Variants in CCDC12 observed in about 807,000 individuals in gnomAD.
CCDC12 encodes the protein coiled-coil domain containing 12.
A neutral mutation model predicts 25.7 loss-of-function variants in CCDC12; 28 were observed. The observed-to-expected ratio is 1.09, with a 90% CI of 0.81 to 1.50. The LOEUF (loss-of-function observed/expected upper bound fraction) is 1.50, where lower values mean the gene tolerates loss of function less well. Among genes scored for constraint, CCDC12 ranks in the 40% most tolerant of loss-of-function variants. The pLI, the probability that CCDC12 is intolerant of heterozygous loss-of-function variation, is 0.00. For synonymous variants in CCDC12, 75 were observed against 87.7 expected (o/e 0.86, Z 0.81); for missense variants, 198 against 210.0 (o/e 0.94, Z 0.35).
At chr3:46,967,792 T>C (rs6809904) in intron 1 of CCDC12, among the ~76,000 whole-genome samples, 143,620 of 152,272 alleles carry the variant, frequency 0.94, 68,344 homozygotes, top group East Asian at 1. Context: ...GCAGTGAGCA[T>C]GGGCAGCTAA....
intron 1 of CCDC12, among the ~76,000 whole-genome samples, chr3:46,947,742 A>G (rs929394161): frequency 3.3e-5 from 5 of 152,184 alleles, no homozygotes; most frequent in Non-Finnish European, 7.4e-5. Flanking sequence ...GTTTGCACCC[A>G]CAGGCCTGAC....
chr3:46,932,282 C>A (rs1174913608), intron 2 of CCDC12, among the ~76,000 whole-genome samples: 1 of 152,242 alleles, frequency 6.6e-6, no homozygotes, highest in Non-Finnish European at 1.5e-5. Flanking sequence ...TCTGGGATCT[C>A]TTCTGGCAGA....
chr3:46,969,563 CA>C (rs901372052), intron 1 of CCDC12, among the ~76,000 whole-genome samples: 7 of 152,170 alleles, frequency 4.6e-5, no homozygotes, highest in Non-Finnish European at 8.8e-5. Context: ...GTGTAAATCA[CA>C]ACTATACCAC....
intron 1 of CCDC12, among the ~76,000 whole-genome samples, chr3:46,962,826 T>C (rs1392434438): frequency 6.6e-6 from 1 of 152,194 alleles, no homozygotes; most frequent in Non-Finnish European, 1.5e-5. Context: ...ATCTGTCCTA[T>C]ATACACCCTA....
chr3:46,979,840 AG>A (rs982335767), upstream of CCDC12: 3 of 430,050 alleles, frequency 7.0e-6, no homozygotes, highest in African/African-American at 4.2e-5. Context: ...GGCGCGCAGC[AG>A]GGCCGGAGCC....
rs114731045 is a variant in CCDC12 at position 46,925,463 on chromosome 3, C to T, written c.237G>A (p.Pro79=). 9.6e-4 allele frequency: 1,542 copies of T among 1,613,394 alleles called. 9 individuals carry two copies. In the African/African-American group the frequency reaches 0.014, roughly 14 times the overall value. ...LKKRRVPQAK[P]VAVEEKVKEQ... is the part of the protein sequence containing the mutation. ...GAGGGACAGCTTGCTTACCTGCAAC[C>T]GGTTTGGCCTGGGGCACCCTCCTCT... Residue 79 remains proline, a synonymous_variant, in exon 3 of 7, where the codon CCG becomes CCA. Transcript: ENST00000683445.
chr3:46,934,166 T>C (rs1215534469), intron 2 of CCDC12, among the ~76,000 whole-genome samples: 1 of 152,064 alleles, frequency 6.6e-6, no homozygotes, highest in Non-Finnish European at 1.5e-5. Flanking sequence ...GCCCATAAGG[T>C]GAGAACTGGA....
At chr3:46,966,375 C>A (rs577569191) in intron 1 of CCDC12, among the ~76,000 whole-genome samples, 1 of 152,046 alleles carries the variant, frequency 6.6e-6, no homozygotes, top group South Asian at 2.1e-4. Context: ...TAGCCGGGCG[C>A]GGTGACACAC....
chr3:46,967,906 A>C (rs1372862313), intron 1 of CCDC12, among the ~76,000 whole-genome samples: 1 of 152,180 alleles, frequency 6.6e-6, no homozygotes, highest in Admixed American at 6.5e-5. Context: ...GAACTTTAAG[A>C]ATGCATGAAT....
At chr3:46,933,779 G>T (rs2033327642) in intron 2 of CCDC12, among the ~76,000 whole-genome samples, 2 of 152,174 alleles carry the variant, frequency 1.3e-5, no homozygotes, top group Non-Finnish European at 2.9e-5. Flanking sequence ...ATAATTTCAT[G>T]AAAGTGTATT....
intron 1 of CCDC12, among the ~76,000 whole-genome samples, chr3:46,951,798 A>AAATATATATATAT: frequency 2.4e-4 from 2 of 8,468 alleles, no homozygotes; most frequent in Non-Finnish European, 2.8e-4. Flanking sequence ...AAAAAAAAAA[A>AAATATATATATAT]ATATATATAT....
intron 1 of CCDC12, among the ~76,000 whole-genome samples, chr3:46,952,590 G>A (rs1400453428): frequency 6.6e-6 from 1 of 152,116 alleles, no homozygotes; most frequent in East Asian, 1.9e-4. Flanking sequence ...TTTTAACTAG[G>A]TTCCATAAAA....
chr3:46,957,527 G>A (rs1395468782), intron 1 of CCDC12, among the ~76,000 whole-genome samples: 2 of 152,052 alleles, frequency 1.3e-5, no homozygotes, highest in Non-Finnish European at 2.9e-5. Context: ...TTGCAAATAA[G>A]TGCCTTGGCT....
intron 2 of CCDC12, among the ~76,000 whole-genome samples, chr3:46,933,380 T>C (rs567099988): frequency 1.3e-5 from 2 of 152,258 alleles, no homozygotes; most frequent in East Asian, 3.9e-4. Flanking sequence ...GAGATCTGTA[T>C]GGGAGCCCCC....
At chr3:46,924,786 A>C (rs890449872) in intron 3 of CCDC12, 1 of 153,550 alleles carries the variant, frequency 6.5e-6, no homozygotes, top group Non-Finnish European at 1.5e-5. Context: ...ACTGCACTCC[A>C]GCCTAGGCGA....
At chr3:46,949,350 C>T (rs1295364854) in intron 1 of CCDC12, among the ~76,000 whole-genome samples, 1 of 152,178 alleles carries the variant, frequency 6.6e-6, no homozygotes, top group African/African-American at 2.4e-5. Context: ...TGCCCTGAGA[C>T]TTCACCCACA....
chr3:46,976,616 C>T, intron 1 of CCDC12, 21 bp downstream of exon 1: 1 of 1,603,914 alleles, frequency 6.2e-7, no homozygotes, highest in Non-Finnish European at 8.5e-7. Flanking sequence ...TCAACTGCGA[C>T]CCTCACTCCA....
At chr3:46,966,339 C>T (rs569338744) in intron 1 of CCDC12, among the ~76,000 whole-genome samples, 25 of 152,056 alleles carry the variant, frequency 1.6e-4, no homozygotes, top group Non-Finnish European at 3.2e-4. Flanking sequence ...ATGGCGAAAC[C>T]CCATCTCTAC....
At chr3:46,978,414 C>T (rs1405874661), upstream of CCDC12, among the ~76,000 whole-genome samples, 1 of 152,138 alleles carries the variant, frequency 6.6e-6, no homozygotes, top group Non-Finnish European at 1.5e-5. Flanking sequence ...CCAGACTGGT[C>T]AACTCCTGGA....
Sources: gnomAD v4.1 joint callset for allele counts (sites outside exome capture counted in the v4.1 genomes callset) on GRCh38, gnomAD v4.1.1 for gene constraint, MANE v1.5 for transcripts, NCBI Gene and HGNC (gene_info 2026-07-23, HGNC 2026-07-21) for gene names.